Variants in SYN2 observed in about 807,000 individuals in gnomAD.
The protein encoded by SYN2 is synapsin II.
In SYN2, 19 loss-of-function variants were observed where a neutral mutation model predicts 50.9. The observed-to-expected ratio is 0.37, with a 90% CI of 0.26 to 0.55. The LOEUF (loss-of-function observed/expected upper bound fraction) is 0.55. SYN2 is among the 20% of genes least tolerant of loss of function. SYN2 has a pLI of 0.81. For missense variants in SYN2, 587 were observed against 576.4 expected (o/e 1.02, Z -0.19); for synonymous variants, 255 against 224.9 (o/e 1.13, Z -1.20).
intron 1 of SYN2, among the ~76,000 whole-genome samples, chr3:12,108,841 C>G (rs926183444): frequency 1.6e-5 from 2 of 127,122 alleles, no homozygotes; most frequent in Non-Finnish European, 3.1e-5. Context: ...AGTTTAGGAG[C>G]CAGTTTTTTT....
intron 1 of SYN2, among the ~76,000 whole-genome samples, chr3:12,029,910 CTA>C (rs1694346615): frequency 1.4e-5 from 1 of 72,798 alleles, no homozygotes; most frequent in Non-Finnish European, 2.4e-5. Context: ...ACTTCCAACA[CTA>C]TGTTGAATAG....
chr3:12,008,102 G>A (rs1457451003), intron 1 of SYN2, among the ~76,000 whole-genome samples: 1 of 152,128 alleles, frequency 6.6e-6, no homozygotes, highest in Non-Finnish European at 1.5e-5. Flanking sequence ...CTTAAACAAG[G>A]AACAGGTGTT....
intron 5 of SYN2, among the ~76,000 whole-genome samples, chr3:12,158,285 G>A (rs1415029503): frequency 3.3e-5 from 5 of 152,206 alleles, no homozygotes; most frequent in Non-Finnish European, 7.3e-5. Context: ...CAGAACGTGT[G>A]TGTTGCCATA....
At chr3:12,006,381 C>T (rs1291609036) in intron 1 of SYN2, among the ~76,000 whole-genome samples, 1 of 152,180 alleles carries the variant, frequency 6.6e-6, no homozygotes, top group Non-Finnish European at 1.5e-5. Context: ...GATAGTGCCA[C>T]TGGCAGCCCT....
intron 10 of SYN2, among the ~76,000 whole-genome samples, chr3:12,177,188 A>G (rs1358893069): frequency 6.6e-6 from 1 of 152,218 alleles, no homozygotes; most frequent in Non-Finnish European, 1.5e-5. Context: ...GAGAAACAGA[A>G]CACATTTCCA....
At chr3:12,025,350 T>C (rs968866853) in intron 1 of SYN2, among the ~76,000 whole-genome samples, 10 of 152,200 alleles carry the variant, frequency 6.6e-5, no homozygotes, top group African/African-American at 2.4e-4. Flanking sequence ...TTTTATGTTA[T>C]AGGAAACTTG....
In SYN2 at chr3:12,183,308, C is replaced by A. The variant is rs751321908; in HGVS notation, c.1309-4C>A. Reference sequence around the variant, plus strand: ...TTTTTATCTCTTACATTTTTGTCTTCCAGAGCGGAACACTTAAGGATCCGG... The same window carrying A: ...TTTTTATCTCTTACATTTTTGTCTTACAGAGCGGAACACTTAAGGATCCGG... On this transcript the variant is annotated splice_region_variant and splice_polypyrimidine_tract_variant and intron_variant, in intron 10 of 12. Coordinates refer to ENST00000621198, the MANE Select transcript of SYN2 (RefSeq NM_133625.6). The A allele has an allele frequency of 2.5e-6, 4 of 1,603,172 alleles. No homozygotes were observed. The highest frequency in any genetic ancestry group is 3.4e-6 in the Non-Finnish European group (4 of 1,177,182).
intron 5 of SYN2, chr3:12,153,496 T>G (rs1473295839): frequency 1.6e-5 from 26 of 1,612,358 alleles, no homozygotes; most frequent in Non-Finnish European, 2.2e-5. Flanking sequence ...TGAAGGGATG[T>G]GATGGTCACT....
intron 10 of SYN2, among the ~76,000 whole-genome samples, chr3:12,173,483 C>T (rs1362965143): frequency 1.3e-5 from 2 of 152,212 alleles, no homozygotes; most frequent in Non-Finnish European, 2.9e-5. Flanking sequence ...GCTTTCTTCT[C>T]CACCATCAAT....
At chr3:12,139,094 G>A (rs1233632630) in intron 1 of SYN2, among the ~76,000 whole-genome samples, 1 of 152,166 alleles carries the variant, frequency 6.6e-6, no homozygotes, top group Admixed American at 6.5e-5. Context: ...TGGGGCAGAG[G>A]TGGGGGGTGG....
intron 1 of SYN2, among the ~76,000 whole-genome samples, chr3:12,096,279 T>C (rs1367602033): frequency 1.3e-5 from 2 of 152,202 alleles, no homozygotes; most frequent in Admixed American, 6.5e-5. Context: ...CTCCTAAAAA[T>C]GTAAACTTGA....
chr3:12,167,206 G>T (rs2125241485), intron 7 of SYN2, 28 bp from the exon 8 acceptor site: 1 of 1,608,216 alleles, frequency 6.2e-7, no homozygotes, highest in Non-Finnish European at 8.5e-7. Flanking sequence ...CTCACTGCCT[G>T]TCCTATCCTG....
In SYN2 at chr3:12,123,493, G is replaced by A. The variant is rs532702102; in HGVS notation, c.378-17158G>A. Among the ~76,000 whole-genome samples the A allele has an allele frequency of 2.0e-4, 31 of 152,324 alleles. 1 individual carries two copies. The Middle Eastern group carries it at 0.014, about 67-fold the overall frequency. On this transcript the variant is annotated intron_variant, in intron 1 of 12. Transcript: ENST00000621198. ...TATTCAAGAGTGAGAGTAAAGCTGGGTATGGTGGCATGCCACTGTAGTCTT... is the reference window on the plus strand; with the variant it reads ...TATTCAAGAGTGAGAGTAAAGCTGGATATGGTGGCATGCCACTGTAGTCTT...
In SYN2 at chr3:12,185,747, C is replaced by A. The variant is rs1000407659; in HGVS notation, c.1370-1622C>A. ...ATCTGTCTTCAGTGTTAAGTTGTAA[C>A]GTTTCTGGCTATCCAAGTATCTGCA... On this transcript the variant is annotated intron_variant, in intron 11 of 12. Transcript: ENST00000621198. 5.1e-6 allele frequency: 5 copies of A among 985,712 alleles called. No homozygotes were observed. In the African/African-American group the frequency reaches 8.7e-5, roughly 17 times the overall value. The allele number at this position is 985,712 out of a possible 1,614,324, so 61.1% of individuals were successfully genotyped here.
chr3:12,179,434 G>A lies in SYN2; in HGVS notation c.1309-3878G>A, dbSNP rs372320535. Among the ~76,000 whole-genome samples the A allele has an allele frequency of 3.3e-5, 5 of 149,816 alleles. No homozygotes were observed. In the East Asian group the frequency reaches 9.9e-4, roughly 30 times the overall value. Reference sequence around the variant, plus strand: ...TTCATGGAAGCCTAGAGCCAGAAGGGCCTGTAGAAGTCATGTGCCTGCAGC... The same window carrying A: ...TTCATGGAAGCCTAGAGCCAGAAGGACCTGTAGAAGTCATGTGCCTGCAGC... On this transcript the variant is annotated intron_variant, in intron 10 of 12. Transcript: ENST00000621198.
chr3:12,115,855 G>A (rs1413964055), intron 1 of SYN2, among the ~76,000 whole-genome samples: 2 of 152,180 alleles, frequency 1.3e-5, no homozygotes, highest in Non-Finnish European at 2.9e-5. Flanking sequence ...CTTCCTCACA[G>A]CAGGGTCTGG....
intron 1 of SYN2, among the ~76,000 whole-genome samples, chr3:12,093,741 T>C (rs1303982262): frequency 6.6e-6 from 1 of 152,232 alleles, no homozygotes; most frequent in African/African-American, 2.4e-5. Context: ...TGTTCTTTGC[T>C]GATATCCTTA....
intron 1 of SYN2, among the ~76,000 whole-genome samples, chr3:12,074,470 T>G (rs1259917334): frequency 6.6e-5 from 10 of 152,198 alleles, no homozygotes; most frequent in Non-Finnish European, 1.5e-4. Context: ...ATATTCTGTT[T>G]GTATTATGTT....
intron 1 of SYN2, among the ~76,000 whole-genome samples, chr3:12,027,480 G>T (rs2125139333): frequency 6.6e-6 from 1 of 152,254 alleles, no homozygotes; most frequent in Admixed American, 6.5e-5. Flanking sequence ...TTCCTGTCCT[G>T]GTTGATGAAA....
Sources: allele counts gnomAD v4.1 joint callset (sites outside exome capture counted in the v4.1 genomes callset), GRCh38; gene constraint gnomAD v4.1.1; transcripts MANE v1.5; gene names NCBI Gene and HGNC (gene_info 2026-07-23, HGNC 2026-07-21).